Variants in BPIFB3 observed in about 807,000 individuals in gnomAD.
The protein encoded by BPIFB3 is BPI fold-containing family B member 3.
Under a neutral mutation model 53.1 loss-of-function variants are expected in BPIFB3, and 49 were observed. The ratio of observed to expected loss-of-function variants is 0.92; its 90% CI spans 0.73 to 1.17. BPIFB3 has a LOEUF of 1.17. Among genes scored for constraint, BPIFB3 ranks in the 50% most tolerant of loss-of-function variants. The probability of loss-of-function intolerance (pLI) is 0.00; values close to 1 mark genes in which losing one functional copy is unlikely to be tolerated. For synonymous variants in BPIFB3, 271 were observed against 269.6 expected (o/e 1.01, Z -0.05); for missense variants, 628 against 592.5 (o/e 1.06, Z -0.62).
intron 9 of BPIFB3, 89 bp from the exon 11 acceptor site, chr20:33,068,714 G>A (rs1307172278): frequency 7.2e-7 from 1 of 1,385,098 alleles, no homozygotes; most frequent in Admixed American, 1.9e-5. Context: ...ACGTTGCCCA[G>A]TGCCTGGTAG....
At chr20:33,056,791 C>T in intron 2 of BPIFB3, 93 bp downstream of exon 3, 1 of 1,425,252 alleles carries the variant, frequency 7.0e-7, no homozygotes, top group Non-Finnish European at 9.3e-7. Flanking sequence ...GTCCAATAGG[C>T]AGTGAAGGTT....
intron 2 of BPIFB3, among the ~76,000 whole-genome samples, chr20:33,057,468 C>A (rs1201268969): frequency 6.6e-6 from 1 of 152,284 alleles, no homozygotes; most frequent in Non-Finnish European, 1.5e-5. Flanking sequence ...GGATTACAGG[C>A]GTGAGCTGGG....
At chr20:33,060,976 G>A (rs549500640) in intron 4 of BPIFB3, among the ~76,000 whole-genome samples, 1 of 152,306 alleles carries the variant, frequency 6.6e-6, no homozygotes, top group East Asian at 1.9e-4. Context: ...TGGGTCCAAG[G>A]CCTCTGCCAG....
At chr20:33,059,568 C>G (rs540945151) in intron 3 of BPIFB3, 86 bp downstream of exon 4, 1 of 953,390 alleles carries the variant, frequency 1.0e-6, no homozygotes, top group African/African-American at 1.6e-5. Context: ...TGTCCCCCCA[C>G]TCCCACCCCT....
chr20:33,056,682 G>T, exon 2 of BPIFB3: 1 of 1,602,848 alleles, frequency 6.2e-7, no homozygotes. Context: ...TTTTGGCGTT[G>T]TCGAGGAGCT....
At chr20:33,065,258 C>T (rs1980622785) in intron 8 of BPIFB3, among the ~76,000 whole-genome samples, 1 of 152,160 alleles carries the variant, frequency 6.6e-6, no homozygotes, top group African/African-American at 2.4e-5. Flanking sequence ...GAAAAGAAAA[C>T]TAGGCAGGGT....
intron 11 of BPIFB3, among the ~76,000 whole-genome samples, chr20:33,070,704 C>T (rs757469246): frequency 3.3e-4 from 50 of 152,256 alleles, no homozygotes; most frequent in Non-Finnish European, 5.7e-4. Context: ...CCCACAGGCT[C>T]CTCAGGCCAC....
intron 8 of BPIFB3, among the ~76,000 whole-genome samples, chr20:33,066,171 C>A (rs61573024): frequency 0.038 from 5,779 of 152,048 alleles, 368 homozygotes; most frequent in African/African-American, 0.13. Context: ...CATCAGGGCC[C>A]CCGGAGGCTG....
chr20:33,059,384 G>A, exon 3 of BPIFB3: 1 of 1,610,860 alleles, frequency 6.2e-7, no homozygotes, highest in Non-Finnish European at 8.5e-7. Context: ...CTAGTCTGAA[G>A]ATTGAGGAGC....
upstream of BPIFB3, among the ~76,000 whole-genome samples, chr20:33,054,950 C>T (rs1980129898): frequency 6.6e-6 from 1 of 152,180 alleles, no homozygotes; most frequent in African/African-American, 2.4e-5. Context: ...GCCTCATGAG[C>T]CAGTGGGAAG....
intron 8 of BPIFB3, among the ~76,000 whole-genome samples, chr20:33,065,954 ACT>A (rs1488835237): frequency 6.6e-6 from 1 of 152,002 alleles, no homozygotes; most frequent in East Asian, 1.9e-4. Context: ...CCAGGCAGAG[ACT>A]CTGCGTGTAA....
Position 33,070,228 on chromosome 20 carries a change from G to A in BPIFB3, c.1217+273G>A, listed in dbSNP as rs1430471107. On this transcript the variant is annotated intron_variant, in intron 11 of 14. Coordinates refer to ENST00000375494, the Ensembl canonical transcript of BPIFB3. Reference sequence around the variant, plus strand: ...CCTGCCTCTGAAAGATAAACCTGCCGCCAGGATGTGGAGTCCAAACTCCTG... The same window carrying A: ...CCTGCCTCTGAAAGATAAACCTGCCACCAGGATGTGGAGTCCAAACTCCTG... 5.9e-5 allele frequency among the ~76,000 whole-genome samples: 9 copies of A among 152,232 alleles called. 1 individual carries two copies. The South Asian group carries it at 6.2e-4, about 11-fold the overall frequency.
intron 5 of BPIFB3, 50 bp downstream of exon 6, chr20:33,061,881 CT>C (rs757435764): frequency 6.3e-7 from 1 of 1,595,634 alleles, no homozygotes. Flanking sequence ...GACTGGGCCT[CT>C]TTCCCCCTCT....
At position 33,064,549 on chromosome 20, in the gene BPIFB3, G is replaced by A. The variant is rs145289801; in HGVS notation, c.744+1G>A. 8.1e-6 allele frequency: 13 copies of A among 1,613,702 alleles called. No homozygotes were observed. The highest frequency in any genetic ancestry group is 2.7e-5 in the African/African-American group (2 of 74,882). ...CCAGTACATAGAACTGGACATCAAC[G>A]TGAGTAACCAGAGGGGCCTCTCCTC... On this transcript the variant is annotated splice_donor_variant, in intron 7 of 14. Coordinates refer to ENST00000375494, the Ensembl canonical transcript of BPIFB3. LOFTEE classifies it high-confidence loss of function.
upstream of BPIFB3, among the ~76,000 whole-genome samples, chr20:33,054,427 T>G (rs1980110126): frequency 6.6e-6 from 1 of 152,112 alleles, no homozygotes; most frequent in Non-Finnish European, 1.5e-5. Flanking sequence ...AAGTAAATAT[T>G]CTGCGTGATG....
intron 6 of BPIFB3, 57 bp downstream of exon 7, chr20:33,063,732 C>T: frequency 1.3e-6 from 2 of 1,566,436 alleles, no homozygotes; most frequent in South Asian, 2.3e-5. Context: ...CTGTATGACC[C>T]CAATGGGGTA....
intron 11 of BPIFB3, 28 bp downstream of exon 12, chr20:33,069,983 T>A: frequency 6.2e-7 from 1 of 1,609,042 alleles, no homozygotes; most frequent in Middle Eastern, 1.7e-4. Flanking sequence ...GGACAGGATC[T>A]TGTTCTTGTC....
At chr20:33,060,663 G>A (rs1311892269) in intron 4 of BPIFB3, among the ~76,000 whole-genome samples, 2 of 151,958 alleles carry the variant, frequency 1.3e-5, no homozygotes, top group South Asian at 4.2e-4. Flanking sequence ...TCTGCCTCCC[G>A]GCTTCATGCA....
At chr20:33,059,255 AG>A in intron 2 of BPIFB3, 122 bp from the exon 4 acceptor site, 1 of 662,748 alleles carries the variant, frequency 1.5e-6, no homozygotes, top group East Asian at 2.7e-5. Flanking sequence ...TGATGGGCCA[AG>A]GGCTCGCAGC....
Sources: gnomAD v4.1 joint callset for allele counts (sites outside exome capture counted in the v4.1 genomes callset) on GRCh38, gnomAD v4.1.1 for gene constraint, MANE v1.5 for transcripts, NCBI Gene and HGNC (gene_info 2026-07-23, HGNC 2026-07-21) for gene names.